The following C4orf51 variants were observed in gnomAD, a reference collection of about 807,000 sequenced individuals.
The protein encoded by C4orf51 is chromosome 4 open reading frame 51, also known as uncharacterized protein C4orf51.
C4orf51 carries 25 observed loss-of-function variants against 25.2 expected under a neutral mutation model. The ratio of observed to expected loss-of-function variants is 0.99; its 90% CI spans 0.72 to 1.39. C4orf51 has a LOEUF of 1.39. Among genes scored for constraint, C4orf51 ranks in the 40% most tolerant of loss-of-function variants. The probability of loss-of-function intolerance (pLI) is 0.00; values close to 1 mark genes in which losing one functional copy is unlikely to be tolerated. For synonymous variants in C4orf51, 100 were observed against 84.5 expected (o/e 1.18, Z -1.01); for missense variants, 252 against 239.6 (o/e 1.05, Z -0.34).
intron 1 of C4orf51, among the ~76,000 whole-genome samples, chr4:145,767,923 G>A (rs1171333633): frequency 6.6e-6 from 1 of 152,006 alleles, no homozygotes; most frequent in Non-Finnish European, 1.5e-5. Context: ...TGAAGAGGCT[G>A]GAAATAATAA....
downstream of C4orf51, among the ~76,000 whole-genome samples, chr4:145,773,904 A>G (rs1305575568): frequency 6.6e-6 from 1 of 152,160 alleles, no homozygotes; most frequent in Non-Finnish European, 1.5e-5. Context: ...AGAAAGGTTC[A>G]AAGCTCTGCC....
the C4orf51 span, among the ~76,000 whole-genome samples, chr4:145,783,308 T>C: frequency 6.6e-6 from 1 of 152,236 alleles, no homozygotes; most frequent in Non-Finnish European, 1.5e-5. Context: ...TTATTCTTAT[T>C]TTATAGTAGG....
chr4:145,765,424 C>T lies in C4orf51; in HGVS notation n.167-5564C>T. ...AGAAATACAACCTTTAGGTGAGGCC[C>T]AGCATACTGCATCCTGGGCCTATTA... On this transcript the variant is annotated intron_variant and non_coding_transcript_variant, in intron 1 of 1. Transcript: ENST00000510096. This position sits in a 1 kb window ranked among gnomAD's most constrained non-coding sequence, Gnocchi z 4.7. The T allele has an allele frequency of 8.2e-7, 1 of 1,226,318 alleles. No homozygotes were observed. The highest frequency in any genetic ancestry group is 1.5e-5 in the African/African-American group (1 of 65,806). The allele number at this position is 1,226,318 out of a possible 1,614,324, so 76.0% of individuals were successfully genotyped here. A position where few individuals can be genotyped will look rare whatever the true frequency, so the allele number is the denominator to read the frequency against.
At chr4:145,752,372 G>A (rs1220661346) in intron 1 of C4orf51, among the ~76,000 whole-genome samples, 1 of 152,164 alleles carries the variant, frequency 6.6e-6, no homozygotes, top group Non-Finnish European at 1.5e-5. Context: ...GGTGATGAAT[G>A]TTGCCAGGAA....
chr4:145,734,440 A>G (rs1028422280), downstream of C4orf51, among the ~76,000 whole-genome samples: 1 of 152,194 alleles, frequency 6.6e-6, no homozygotes, highest in Non-Finnish European at 1.5e-5. Context: ...AGACCTGGGC[A>G]TCAAGAGCTT....
intron 1 of C4orf51, among the ~76,000 whole-genome samples, chr4:145,766,485 C>T (rs1579086039): frequency 6.6e-6 from 1 of 152,282 alleles, no homozygotes; most frequent in East Asian, 1.9e-4. Context: ...CAGTTTCCTG[C>T]CTTGAGACTC....
intron 2 of C4orf51, among the ~76,000 whole-genome samples, chr4:145,714,630 G>A (rs775699072): frequency 6.6e-6 from 1 of 152,136 alleles, no homozygotes; most frequent in Non-Finnish European, 1.5e-5. Flanking sequence ...TTTTAAATTT[G>A]TCAGGAAATT....
intron 1 of C4orf51, among the ~76,000 whole-genome samples, chr4:145,746,567 T>C (rs1414286239): frequency 1.3e-5 from 2 of 152,170 alleles, no homozygotes; most frequent in East Asian, 3.8e-4. Context: ...GTTCCATTGG[T>C]CTGTAGGTCT....
downstream of C4orf51, among the ~76,000 whole-genome samples, chr4:145,771,235 T>C (rs962732861): frequency 6.6e-6 from 1 of 152,248 alleles, no homozygotes; most frequent in Non-Finnish European, 1.5e-5. Flanking sequence ...TTTTCTGTTA[T>C]TTTGCAAACT....
At chr4:145,774,382 C>T, downstream of C4orf51, 1 of 1,096,106 alleles carries the variant, frequency 9.1e-7, no homozygotes, top group South Asian at 1.6e-5. Flanking sequence ...TGGGAAAGTC[C>T]TTCCTTCCAT....
At position 145,694,141 on chromosome 4, in the gene C4orf51, C is replaced by T. The variant is rs867985904; in HGVS notation, c.234-2418C>T. Among the ~76,000 whole-genome samples, 54 of 78,858 alleles carry T rather than the reference C, an allele frequency of 6.8e-4. 1 individual carries two copies. In the South Asian group the frequency reaches 0.023, roughly 34 times the overall value. The allele number at this position is 78,858 out of a possible 152,430, so 51.7% of individuals were successfully genotyped here. On this transcript the variant is annotated intron_variant, in intron 1 of 5. Transcript: ENST00000438731. ...GCAGAGGCGCTCCCCACATCTCAGA[C>T]GATCTCCTCCTCACATCCCAGACGA...
chr4:145,744,859 A>G (rs1451805169), intron 1 of C4orf51, among the ~76,000 whole-genome samples: 1 of 151,510 alleles, frequency 6.6e-6, no homozygotes, highest in Admixed American at 6.6e-5. Context: ...TCTCAAAAAA[A>G]AAAAAGAGAG....
intron 2 of C4orf51, among the ~76,000 whole-genome samples, chr4:145,725,032 G>A (rs1731976333): frequency 6.6e-6 from 1 of 151,880 alleles, no homozygotes; most frequent in Non-Finnish European, 1.5e-5. Context: ...TGGACTCGGG[G>A]GAAAGGGTGG....
chr4:145,711,707 C>T (rs780823795), intron 2 of C4orf51, among the ~76,000 whole-genome samples: 4 of 152,074 alleles, frequency 2.6e-5, no homozygotes, highest in Admixed American at 6.6e-5. Context: ...TGTTGATGCT[C>T]TCCGTTGCAT....
intron 1 of C4orf51, chr4:145,764,651 G>C (rs1480209861): frequency 1.8e-5 from 5 of 283,052 alleles, no homozygotes; most frequent in African/African-American, 1.1e-4. Context: ...TTATGCTTGG[G>C]GACACTAAGC....
At chr4:145,690,719 T>C (rs1230102850) in intron 1 of C4orf51, among the ~76,000 whole-genome samples, 1 of 152,088 alleles carries the variant, frequency 6.6e-6, no homozygotes, top group Non-Finnish European at 1.5e-5. Context: ...AGAGAAAATA[T>C]TTTTAATCTA....
chr4:145,778,135 CTT>C, the C4orf51 span, among the ~76,000 whole-genome samples: 1 of 151,966 alleles, frequency 6.6e-6, no homozygotes, highest in Non-Finnish European at 1.5e-5. Context: ...CTACAAAAAA[CTT>C]TTTGTTTTTT....
At position 145,694,484 on chromosome 4, in the gene C4orf51, G is replaced by A. The variant is rs1302106348; in HGVS notation, c.234-2075G>A. 3.9e-4 allele frequency among the ~76,000 whole-genome samples: 34 copies of A among 86,194 alleles called. No individual in the cohort carries two copies. The East Asian group carries it at 6.3e-3, about 16-fold the overall frequency. The allele number at this position is 86,194 out of a possible 152,430, so 56.5% of individuals were successfully genotyped here. A position where few individuals can be genotyped will look rare whatever the true frequency, so the allele number is the denominator to read the frequency against. On this transcript the variant is annotated intron_variant, in intron 1 of 5. Coordinates refer to ENST00000438731, the MANE Select transcript of C4orf51 (RefSeq NM_001080531.3). ...GCCCCTCTGCCCGGCCAGCCGCCCC[G>A]TCCGGGAGGGAGGTGGGGGGGTCGG...
At chr4:145,739,149 CACTT>C (rs1383391250) in intron 1 of C4orf51, among the ~76,000 whole-genome samples, 1 of 152,222 alleles carries the variant, frequency 6.6e-6, no homozygotes, top group Non-Finnish European at 1.5e-5. Context: ...CCTACCTAAA[CACTT>C]TCTTTTATGG....
Sources: gnomAD v4.1 joint callset for allele counts (sites outside exome capture counted in the v4.1 genomes callset) on GRCh38, gnomAD v4.1.1 for gene constraint, Gnocchi (gnomAD v3.1) non-coding constraint, MANE v1.5 for transcripts, NCBI Gene and HGNC (gene_info 2026-07-23, HGNC 2026-07-21) for gene names.